KLC1: variants seen among roughly 807,000 people sequenced by gnomAD.
KLC1 encodes kinesin 2 60/70kDa.
KLC1 carries 30 observed loss-of-function variants against 84.2 expected under a neutral mutation model. That is an observed-to-expected ratio of 0.36 (90% CI 0.27 to 0.48). The LOEUF (loss-of-function observed/expected upper bound fraction) is 0.48. Among genes scored for constraint, KLC1 ranks in the 20% least tolerant of loss-of-function variants. The probability of loss-of-function intolerance (pLI) is 0.99; values close to 1 mark genes in which losing one functional copy is unlikely to be tolerated. For missense variants in KLC1, 499 were observed against 805.4 expected (o/e 0.62, Z 4.60); for synonymous variants, 289 against 293.3 (o/e 0.99, Z 0.15).
At chr14:103,686,675 G>A (rs2081798107) in intron 13 of KLC1, 1 of 158,936 alleles carries the variant, frequency 6.3e-6, no homozygotes, top group South Asian at 1.8e-4. Flanking sequence ...GTCCTGTACT[G>A]TGTTACTTGT....
chr14:103,636,599 C>T (rs1211357950), intron 1 of KLC1, among the ~76,000 whole-genome samples: 2 of 152,064 alleles, frequency 1.3e-5, no homozygotes, highest in East Asian at 3.9e-4. Context: ...TCACTGATGA[C>T]TCATAATGGT....
intron 14 of KLC1, among the ~76,000 whole-genome samples, chr14:103,689,983 C>A (rs911827865): frequency 1.3e-5 from 2 of 152,040 alleles, no homozygotes; most frequent in Non-Finnish European, 2.9e-5. Flanking sequence ...AGTTTGAAAC[C>A]AGCCTGGCCA....
intron 15 of KLC1, chr14:103,698,897 G>A (rs748729904): frequency 1.9e-6 from 3 of 1,602,664 alleles, no homozygotes; most frequent in Non-Finnish European, 2.6e-6. Context: ...GCACCCGCAG[G>A]GTCCGGGCTG....
chr14:103,637,336 C>A (rs1455268242), intron 1 of KLC1, among the ~76,000 whole-genome samples: 1 of 151,500 alleles, frequency 6.6e-6, no homozygotes, highest in Non-Finnish European at 1.5e-5. Context: ...TTGAGACTAC[C>A]CTGGCCAGTA....
At chr14:103,688,078 A>T (rs1170305690) in intron 14 of KLC1, 1 of 152,222 alleles carries the variant, frequency 6.6e-6, no homozygotes, top group Non-Finnish European at 1.5e-5. Flanking sequence ...GGATGGTGAA[A>T]CCGAGTTCTT....
At chr14:103,629,827 C>T (rs1166485188) in intron 1 of KLC1, among the ~76,000 whole-genome samples, 2 of 152,196 alleles carry the variant, frequency 1.3e-5, no homozygotes, top group Non-Finnish European at 2.9e-5. Flanking sequence ...GGCCCCGCAT[C>T]CCCGGCTTGG....
Position 103,692,342 on chromosome 14 carries a change from C to G in KLC1, c.1782-17C>G. 1 of 1,536,382 alleles carries G rather than the reference C, an allele frequency of 6.5e-7. No individual in the cohort carries two copies. Among genetic ancestry groups the G allele is most frequent in the Non-Finnish European group, 8.7e-7 (1 of 1,146,820 alleles). ...GTGCTGATCGTTTGTCCTTGCATGT[C>G]CGTGTCCGGGTTGCAGCATGAAGCG... On this transcript the variant is annotated splice_polypyrimidine_tract_variant and intron_variant, in intron 14 of 16. Transcript: ENST00000334553.
At chr14:103,634,642 A>C (rs530218672) in intron 1 of KLC1, among the ~76,000 whole-genome samples, 1 of 152,210 alleles carries the variant, frequency 6.6e-6, no homozygotes, top group East Asian at 1.9e-4. Context: ...AGGAGGGAGG[A>C]GATCAGTAGC....
chr14:103,677,896 G>A (rs1454358077), intron 12 of KLC1, among the ~76,000 whole-genome samples: 1 of 151,794 alleles, frequency 6.6e-6, no homozygotes, highest in Non-Finnish European at 1.5e-5. Context: ...GAACCTGGGA[G>A]GTGGAGGCTG....
At chr14:103,688,616 C>T (rs908819834) in intron 14 of KLC1, among the ~76,000 whole-genome samples, 7 of 152,172 alleles carry the variant, frequency 4.6e-5, no homozygotes, top group South Asian at 2.1e-4. Context: ...CCCTCTTGTC[C>T]GCTTGGTATC....
chr14:103,674,177 T>G (rs892022909), intron 9 of KLC1, among the ~76,000 whole-genome samples: 5 of 152,190 alleles, frequency 3.3e-5, no homozygotes, highest in Non-Finnish European at 1.5e-5. Flanking sequence ...TTTTAATGTC[T>G]TTCCTTCCTT....
intron 3 of KLC1, among the ~76,000 whole-genome samples, chr14:103,661,625 A>G (rs1031712297): frequency 2.6e-5 from 4 of 152,132 alleles, no homozygotes; most frequent in African/African-American, 9.7e-5. Flanking sequence ...AGCAAAATGT[A>G]GGGAAACATG....
chr14:103,674,143 T>A (rs2080673796), intron 9 of KLC1, among the ~76,000 whole-genome samples: 1 of 152,190 alleles, frequency 6.6e-6, no homozygotes, highest in Non-Finnish European at 1.5e-5. Context: ...AACAGGAGAA[T>A]CACCCAAATT....
Position 103,692,423 on chromosome 14 carries a change from C to G in KLC1, c.1846C>G (p.Gln616Glu), listed in dbSNP as rs764111852. 6.5e-7 allele frequency: 1 copy of G among 1,536,582 alleles called. No homozygotes were observed. The highest frequency in any genetic ancestry group is 8.7e-7 in the Non-Finnish European group (1 of 1,146,966). The stretch of plus-strand genomic sequence containing the variant: ...TGGCAAGGCTGCTGAAGATCGCTTT[C>G]AAGTAAGGAGCCTACCCCGAATTGT... ...VGGKAAEDRF[Q>E]GVSGRASFCG... The change falls in exon 15 of 17, where the codon CAA becomes GAA. Residue 616 changes from glutamine to glutamate, a missense_variant and splice_region_variant. By Grantham distance (29) the Gln-to-Glu change is conservative (BLOSUM62 2). Transcript: ENST00000334553.
chr14:103,667,841 A>G (rs2080007856), intron 5 of KLC1, among the ~76,000 whole-genome samples: 1 of 152,206 alleles, frequency 6.6e-6, no homozygotes, highest in African/African-American at 2.4e-5. Flanking sequence ...CTACTACTCA[A>G]TTGAGAAAGA....
intron 3 of KLC1, among the ~76,000 whole-genome samples, chr14:103,658,397 A>G (rs537814934): frequency 7.2e-6 from 1 of 139,468 alleles, no homozygotes; most frequent in East Asian, 2.3e-4. Context: ...AGTAGCTGGG[A>G]TTACAGGTGT....
intron 2 of KLC1, among the ~76,000 whole-genome samples, 168 bp from the exon 3 acceptor site, chr14:103,657,378 G>A (rs946920927): frequency 6.6e-6 from 1 of 152,156 alleles, no homozygotes; most frequent in African/African-American, 2.4e-5. Context: ...TTTGTAGTCT[G>A]TGGCTGAAGG....
At chr14:103,655,094 G>A (rs1398933409) in intron 2 of KLC1, among the ~76,000 whole-genome samples, 1 of 151,934 alleles carries the variant, frequency 6.6e-6, no homozygotes, top group African/African-American at 2.4e-5. Context: ...GGGCCTGGTG[G>A]CTGGCGTGTG....
chr14:103,636,099 A>G (rs2077021202), intron 1 of KLC1, among the ~76,000 whole-genome samples: 1 of 151,336 alleles, frequency 6.6e-6, no homozygotes, highest in South Asian at 2.1e-4. Context: ...CATTTCTGGA[A>G]CTCTTTCATC....
Sources: allele counts gnomAD v4.1 joint callset (sites outside exome capture counted in the v4.1 genomes callset), GRCh38; gene constraint gnomAD v4.1.1; transcripts MANE v1.5; gene names NCBI Gene and HGNC (gene_info 2026-07-23, HGNC 2026-07-21).